Variants in KLF17 observed in about 807,000 individuals in gnomAD.
KLF17 encodes the protein KLF transcription factor 17.
Under a neutral mutation model 34.2 loss-of-function variants are expected in KLF17, and 31 were observed. The observed-to-expected ratio is 0.91, with a 90% CI of 0.68 to 1.22. KLF17 has a LOEUF of 1.22. KLF17 is among the 50% of genes most tolerant of loss of function. The pLI is 0.00. For synonymous variants in KLF17, 179 were observed against 186.7 expected (o/e 0.96, Z 0.34); for missense variants, 478 against 505.2 (o/e 0.95, Z 0.52).
In KLF17 at chr1:44,134,660, T is replaced by C. The variant is rs890343101; in HGVS notation, c.*1423T>C. 2 of 152,192 alleles carry C rather than the reference T, an allele frequency of 1.3e-5. No homozygotes were observed. The highest frequency in any genetic ancestry group is 2.9e-5 in the Non-Finnish European group (2 of 68,038). The allele number at this position is 152,192 out of a possible 1,614,324, so 9.4% of individuals were successfully genotyped here. ...TCTGATAGTAAAGGGGATGGTGCGA[T>C]AGATTCAAGATGGAGAGATAAGGTT... On this transcript the variant is annotated 3_prime_UTR_variant, in exon 4 of 4. Coordinates refer to ENST00000372299, the MANE Select transcript of KLF17 (RefSeq NM_173484.4).
At chr1:44,093,924 C>G in the KLF17 span, among the ~76,000 whole-genome samples, 2 of 152,150 alleles carry the variant, frequency 1.3e-5, no homozygotes, top group African/African-American at 2.4e-5. Flanking sequence ...TAAAAAGAGT[C>G]AGAGAGAAAG....
chr1:44,058,891 T>G, the KLF17 span, among the ~76,000 whole-genome samples: 1 of 151,798 alleles, frequency 6.6e-6, no homozygotes, highest in East Asian at 1.9e-4. Flanking sequence ...GGAGGCTCCC[T>G]TCAACAAAAT....
Position 44,129,428 on chromosome 1 carries a change from C to G in KLF17, c.157C>G (p.Gln53Glu). ...GSSGVHTSWN[Q>E]GLPSIQHFPH... is the part of the protein sequence containing the mutation. ...CTCTGGAGTGCACACCTCTTGGAAC[C>G]AAGGCCTACCAAGCATTCAGCACTT... The change falls in exon 2 of 4, where the codon CAA becomes GAA. Residue 53 changes from glutamine (Q) to glutamate (E), a missense_variant. Transcript: ENST00000372299. 1 of 1,583,770 alleles carries G rather than the reference C, an allele frequency of 6.3e-7. No individual in the cohort carries two copies. The highest frequency in any genetic ancestry group is 8.6e-7 in the Non-Finnish European group (1 of 1,163,986).
At chr1:44,096,719 T>A in the KLF17 span, among the ~76,000 whole-genome samples, 83 of 152,136 alleles carry the variant, frequency 5.5e-4, no homozygotes, top group Admixed American at 2.0e-3. Context: ...TAAAAAAAAA[T>A]TTTTTTAATT....
chr1:44,072,038 A>T, the KLF17 span, among the ~76,000 whole-genome samples: 2 of 151,650 alleles, frequency 1.3e-5, no homozygotes, highest in East Asian at 3.9e-4. Flanking sequence ...GATCATGGTG[A>T]CTTGGACTTG....
Position 44,129,190 on chromosome 1 carries a change from G to A in KLF17, c.82-163G>A, listed in dbSNP as rs146832783. ...GCTTCCGTGGGGCTTGTATCAGCCA[G>A]ACCGCATGTTAGAAAGCCCAAGCTG... On this transcript the variant is annotated intron_variant, in intron 1 of 3. Coordinates refer to ENST00000372299, the MANE Select transcript of KLF17 (RefSeq NM_173484.4). Among the ~76,000 whole-genome samples the A allele has an allele frequency of 8.5e-5, 13 of 152,188 alleles. No homozygotes were observed. The East Asian group carries it at 2.5e-3, about 29-fold the overall frequency.
the KLF17 span, among the ~76,000 whole-genome samples, chr1:44,067,097 T>A: frequency 6.6e-6 from 1 of 152,292 alleles, no homozygotes; most frequent in South Asian, 2.1e-4. Context: ...ATATTATTTT[T>A]AAAAACAAAC....
the KLF17 span, chr1:44,106,794 T>A: frequency 2.6e-5 from 4 of 152,064 alleles, no homozygotes; most frequent in African/African-American, 9.7e-5. Context: ...AAATGAGAAA[T>A]GTATGGATAA....
the KLF17 span, chr1:44,104,310 C>A: frequency 6.3e-7 from 1 of 1,578,112 alleles, no homozygotes; most frequent in African/African-American, 1.3e-5. Context: ...CTTCTCCTGG[C>A]CCAGAGTCTC....
At chr1:44,121,758 C>G (rs530559470) in intron 1 of KLF17, among the ~76,000 whole-genome samples, 1 of 152,256 alleles carries the variant, frequency 6.6e-6, no homozygotes, top group African/African-American at 2.4e-5. Context: ...GCAAGAATGC[C>G]TCATGTGTAT....
rs1418122062 is a variant in KLF17, at chr1:44,130,094, A to G, written c.823A>G (p.Arg275Gly). ...CAGGCCTCAGGAAGGGACTGGTAGA[A>G]GGGGCTCCTCAGAGGCAAGGCCTTA... ...NSRPQEGTGR[R>G]GSSEARPYCC... The change falls in exon 2 of 4, where the codon AGG (arginine) becomes GGG (glycine). Residue 275 changes from arginine to glycine, a missense_variant. Transcript: ENST00000372299. 6.2e-7 allele frequency: 1 copy of G among 1,614,254 alleles called. No individual in the cohort carries two copies. Among genetic ancestry groups the G allele is most frequent in the Non-Finnish European group, 8.5e-7 (1 of 1,180,032 alleles).
At chr1:44,080,525 A>G in the KLF17 span, among the ~76,000 whole-genome samples, 6 of 152,274 alleles carry the variant, frequency 3.9e-5, no homozygotes, top group Admixed American at 1.3e-4. Flanking sequence ...GGCGTGAGCC[A>G]CAGCACCAGG....
the KLF17 span, among the ~76,000 whole-genome samples, chr1:44,090,959 T>C: frequency 1.3e-4 from 16 of 123,298 alleles, no homozygotes; most frequent in African/African-American, 4.5e-4. Flanking sequence ...CACGCACGCA[T>C]GCACACACAC....
chr1:44,109,982 A>T, the KLF17 span, among the ~76,000 whole-genome samples: 257 of 139,000 alleles, frequency 1.8e-3, 3 homozygotes, highest in African/African-American at 6.7e-3. Context: ...ATCTCGGCTC[A>T]CTGCACCTCC....
chr1:44,127,717 CTTTT>C (rs2088041604), intron 1 of KLF17, among the ~76,000 whole-genome samples: 11 of 74,716 alleles, frequency 1.5e-4, no homozygotes, highest in Admixed American at 4.4e-4. Flanking sequence ...TCTTTCTTCT[CTTTT>C]CTTTCTTTCT....
chr1:44,062,687 G>T, the KLF17 span, among the ~76,000 whole-genome samples: 14 of 147,836 alleles, frequency 9.5e-5, no homozygotes, highest in African/African-American at 1.3e-4. Flanking sequence ...CTGTACTCCA[G>T]CCTGAGTGAC....
the KLF17 span, among the ~76,000 whole-genome samples, chr1:44,093,247 AG>A: frequency 1.4e-5 from 1 of 69,504 alleles, no homozygotes; most frequent in Non-Finnish European, 3.5e-5. Flanking sequence ...ATAGAGTAAC[AG>A]GGGGAAAATA....
the KLF17 span, chr1:44,051,176 T>G: frequency 1.3e-5 from 2 of 152,388 alleles, no homozygotes; most frequent in Admixed American, 1.3e-4. Flanking sequence ...ACAGTTATTG[T>G]TAAGATGACA....
At chr1:44,084,387 A>G in the KLF17 span, among the ~76,000 whole-genome samples, 1 of 152,114 alleles carries the variant, frequency 6.6e-6, no homozygotes, top group African/African-American at 2.4e-5. Flanking sequence ...GAAGCTCTTA[A>G]AAAGTTTTTG....
Sources: allele counts gnomAD v4.1 joint callset (sites outside exome capture counted in the v4.1 genomes callset), GRCh38; gene constraint gnomAD v4.1.1; transcripts MANE v1.5; gene names NCBI Gene and HGNC (gene_info 2026-07-23, HGNC 2026-07-21).